The following ASIC2 variants were observed in gnomAD, a reference collection of about 807,000 sequenced individuals.
The protein encoded by ASIC2 is acid-sensing ion channel 2.
Under a neutral mutation model 57.3 loss-of-function variants are expected in ASIC2, and 25 were observed. The ratio of observed to expected loss-of-function variants is 0.44; its 90% CI spans 0.32 to 0.61. The LOEUF (loss-of-function observed/expected upper bound fraction) is 0.61. ASIC2 is among the 20% of genes least tolerant of loss of function. ASIC2 has a pLI of 0.06. For missense variants in ASIC2, 641 were observed against 738.1 expected, an observed-to-expected ratio of 0.87 and a Z score of 1.52; for synonymous variants, 319 against 307.5, an observed-to-expected ratio of 1.04 and a Z score of -0.39.
chr17:33,723,820 C>T (rs1909460761), intron 1 of ASIC2, among the ~76,000 whole-genome samples: 1 of 152,170 alleles, frequency 6.6e-6, no homozygotes, highest in Admixed American at 6.5e-5. Context: ...AGATGCAACC[C>T]TATCAAGCAG....
At chr17:33,648,040 A>T (rs1299087408) in intron 1 of ASIC2, among the ~76,000 whole-genome samples, 1 of 152,230 alleles carries the variant, frequency 6.6e-6, no homozygotes, top group Non-Finnish European at 1.5e-5. Context: ...GACGGTCCCC[A>T]TCATGAATCA....
At chr17:33,894,390 T>C (rs1185705738) in intron 1 of ASIC2, among the ~76,000 whole-genome samples, 1 of 151,140 alleles carries the variant, frequency 6.6e-6, no homozygotes, top group Non-Finnish European at 1.5e-5. Context: ...TGTGTTCATG[T>C]GCTCTCTGGG....
intron 1 of ASIC2, among the ~76,000 whole-genome samples, chr17:33,528,933 C>T (rs575824631): frequency 6.6e-6 from 1 of 152,282 alleles, no homozygotes; most frequent in Non-Finnish European, 1.5e-5. Flanking sequence ...CTGCCTGCTG[C>T]TCAGGGAATG....
At chr17:33,646,377 T>C (rs1567678438) in intron 1 of ASIC2, among the ~76,000 whole-genome samples, 1 of 152,188 alleles carries the variant, frequency 6.6e-6, no homozygotes, top group African/African-American at 2.4e-5. Context: ...TTCCACTGAT[T>C]GGCCAGATCC....
intron 1 of ASIC2, among the ~76,000 whole-genome samples, chr17:33,537,896 A>C (rs1915285512): frequency 6.6e-6 from 1 of 152,350 alleles, no homozygotes; most frequent in East Asian, 1.9e-4. Context: ...AGATAGATTT[A>C]GCCTAAAGCC....
intron 1 of ASIC2, among the ~76,000 whole-genome samples, chr17:33,684,979 G>A (rs1019414190): frequency 9.2e-5 from 14 of 152,160 alleles, no homozygotes; most frequent in African/African-American, 3.1e-4. Flanking sequence ...CTGTCATATC[G>A]AAGCAGAAAT....
At chr17:33,562,328 G>A (rs1254476510) in intron 1 of ASIC2, among the ~76,000 whole-genome samples, 2 of 152,074 alleles carry the variant, frequency 1.3e-5, no homozygotes, top group African/African-American at 4.8e-5. Flanking sequence ...CTGGTGCCAA[G>A]CACAGACCTA....
intron 1 of ASIC2, among the ~76,000 whole-genome samples, chr17:33,229,213 G>A (rs1255089040): frequency 6.6e-6 from 1 of 152,152 alleles, no homozygotes; most frequent in African/African-American, 2.4e-5. Context: ...AGGAAATGCG[G>A]GGGGAAAGTG....
At position 33,865,298 on chromosome 17, in the gene ASIC2, C is replaced by T. The variant is rs144955263; in HGVS notation, c.555+290680G>A. ...CACATTTTGTTCCATTTCCATTGGG[C>T]GGATCAACCCAGTAACCTGGCAGAA... On this transcript the variant is annotated intron_variant, in intron 1 of 9. Coordinates refer to the ASIC2 transcript ENST00000359872. 3.0e-3 allele frequency among the ~76,000 whole-genome samples: 454 copies of T among 152,270 alleles called. 5 individuals are homozygous for T. The highest frequency in any genetic ancestry group is 0.01 in the African/African-American group (426 of 41,552).
intron 1 of ASIC2, among the ~76,000 whole-genome samples, chr17:33,908,756 T>G (rs1214784327): frequency 1.3e-5 from 2 of 152,232 alleles, no homozygotes; most frequent in Non-Finnish European, 2.9e-5. Context: ...TCCACTATCT[T>G]TTAGTCAAAG....
chr17:33,901,971 T>A (rs1186605978), intron 1 of ASIC2, among the ~76,000 whole-genome samples: 1 of 152,196 alleles, frequency 6.6e-6, no homozygotes, highest in Non-Finnish European at 1.5e-5. Flanking sequence ...GATTTCCTTT[T>A]TATTACGTCT....
At chr17:33,780,450 A>T (rs1911416687) in intron 1 of ASIC2, among the ~76,000 whole-genome samples, 2 of 152,090 alleles carry the variant, frequency 1.3e-5, no homozygotes, top group Non-Finnish European at 2.9e-5. Context: ...CCCAGTGCAA[A>T]CCCATCCCTG....
At chr17:33,518,045 C>T (rs1364058988) in intron 1 of ASIC2, among the ~76,000 whole-genome samples, 1 of 152,116 alleles carries the variant, frequency 6.6e-6, no homozygotes, top group Non-Finnish European at 1.5e-5. Context: ...TGATCATCAT[C>T]CTCTTGAACA....
At position 33,487,049 on chromosome 17, in the gene ASIC2, T is replaced by G. The variant is rs1217069055; in HGVS notation, c.556-374982A>C. On this transcript the variant is annotated intron_variant, in intron 1 of 9. Coordinates refer to the ASIC2 transcript ENST00000359872. Reference sequence around the variant, plus strand: ...AGTAGAAGAGGTTCTTGTTTTTAATTATTCCTATAAGATTTTTACAAACAC... The same window carrying G: ...AGTAGAAGAGGTTCTTGTTTTTAATGATTCCTATAAGATTTTTACAAACAC... 2.6e-5 allele frequency among the ~76,000 whole-genome samples: 4 copies of G among 152,240 alleles called. No homozygotes were observed. The East Asian group carries it at 7.7e-4, about 29-fold the overall frequency.
chr17:33,015,753 G>C (rs1329437847), intron 9 of ASIC2, among the ~76,000 whole-genome samples: 2 of 152,208 alleles, frequency 1.3e-5, no homozygotes, highest in East Asian at 1.9e-4. Context: ...GCACCTCCTG[G>C]TGTCTGCTGC....
chr17:33,936,363 C>A (rs962766913), intron 1 of ASIC2: 1 of 152,156 alleles, frequency 6.6e-6, no homozygotes, highest in African/African-American at 2.4e-5. Context: ...TTGGACTGCA[C>A]GTGGTCTCAG....
intron 1 of ASIC2, among the ~76,000 whole-genome samples, chr17:33,481,128 C>T (rs921428680): frequency 1.3e-5 from 2 of 152,176 alleles, no homozygotes; most frequent in African/African-American, 4.8e-5. Flanking sequence ...CATTGAACAC[C>T]TTTCACCTTT....
chr17:33,531,995 C>A (rs181295359), intron 1 of ASIC2, among the ~76,000 whole-genome samples: 1 of 152,044 alleles, frequency 6.6e-6, no homozygotes, highest in East Asian at 1.9e-4. Flanking sequence ...AAGGGTTGAG[C>A]GATCATACTG....
At chr17:33,482,774 C>A (rs964923551) in intron 1 of ASIC2, among the ~76,000 whole-genome samples, 1 of 152,236 alleles carries the variant, frequency 6.6e-6, no homozygotes, top group Non-Finnish European at 1.5e-5. Context: ...CCAATGCCAA[C>A]CTTCCCAGGC....
Sources: gnomAD v4.1 joint callset for allele counts (sites outside exome capture counted in the v4.1 genomes callset) on GRCh38, gnomAD v4.1.1 for gene constraint, MANE v1.5 for transcripts, NCBI Gene and HGNC (gene_info 2026-07-23, HGNC 2026-07-21) for gene names.